Variants in GLG1 observed in about 807,000 individuals in gnomAD.
The protein encoded by GLG1 is Golgi apparatus protein 1.
A neutral mutation model predicts 160.5 loss-of-function variants in GLG1; 38 were observed. The observed-to-expected ratio is 0.24, with a 90% CI of 0.18 to 0.31. GLG1 has a LOEUF of 0.31. Ranked by LOEUF, GLG1 falls within the 10% of genes least tolerant of loss-of-function variation. The pLI is 1.00. For synonymous variants in GLG1, 644 were observed against 543.4 expected, an observed-to-expected ratio of 1.19 and a Z score of -2.57; for missense variants, 1,373 against 1,505.2, an observed-to-expected ratio of 0.91 and a Z score of 1.45.
chr16:74,575,071 A>C (rs1414698130), intron 1 of GLG1, among the ~76,000 whole-genome samples: 1 of 127,836 alleles, frequency 7.8e-6, no homozygotes, highest in Non-Finnish European at 1.6e-5. Flanking sequence ...AGATGGTGAA[A>C]TCTCACCTCT....
chr16:74,574,281 G>C (rs374560816), intron 1 of GLG1, among the ~76,000 whole-genome samples: 1 of 152,166 alleles, frequency 6.6e-6, no homozygotes, highest in African/African-American at 2.4e-5. Flanking sequence ...GAAAATCTCA[G>C]CTAAAGCTAA....
At chr16:74,548,771 G>A (rs1362964955) in intron 1 of GLG1, among the ~76,000 whole-genome samples, 3 of 152,084 alleles carry the variant, frequency 2.0e-5, no homozygotes, top group Admixed American at 6.6e-5. Flanking sequence ...TGAGACAAGC[G>A]GATCACATAA....
rs145239124 is a variant in GLG1 at position 74,558,950 on chromosome 16, C to G, written c.439-26797G>C. Reference sequence around the variant, plus strand: ...TCACCCAGGCTGGAATGCAGTCACACAGACATAGCTTACTGCATCCCAGAA... The same window carrying G: ...TCACCCAGGCTGGAATGCAGTCACAGAGACATAGCTTACTGCATCCCAGAA... On this transcript the variant is annotated intron_variant, in intron 1 of 25. Coordinates refer to ENST00000422840, the MANE Select transcript of GLG1 (RefSeq NM_001145667.2). 1.8e-3 allele frequency among the ~76,000 whole-genome samples: 275 copies of G among 152,324 alleles called. 1 individual carries two copies. Among genetic ancestry groups the G allele is most frequent in the African/African-American group, 6.4e-3 (267 of 41,566 alleles).
At chr16:74,585,170 G>A (rs920021141) in intron 1 of GLG1, among the ~76,000 whole-genome samples, 2 of 152,062 alleles carry the variant, frequency 1.3e-5, no homozygotes, top group African/African-American at 2.4e-5. Flanking sequence ...CACTGTGGAA[G>A]GCCAAGGCAG....
intron 3 of GLG1, among the ~76,000 whole-genome samples, chr16:74,506,339 G>A (rs2016601241): frequency 6.6e-6 from 1 of 151,540 alleles, no homozygotes; most frequent in Non-Finnish European, 1.5e-5. Context: ...GGCACTTTGG[G>A]AGGCCCAGGC....
intron 2 of GLG1, among the ~76,000 whole-genome samples, chr16:74,526,560 C>CA (rs1281967783): frequency 1.3e-5 from 2 of 150,136 alleles, no homozygotes; most frequent in African/African-American, 2.5e-5. Flanking sequence ...CCCATCTCTA[C>CA]AAAAAATACA....
intron 18 of GLG1, among the ~76,000 whole-genome samples, chr16:74,467,292 G>C (rs1597230369): frequency 6.6e-6 from 1 of 152,166 alleles, no homozygotes. Flanking sequence ...TCATTTGTTT[G>C]TATGTACTTC....
intron 19 of GLG1, among the ~76,000 whole-genome samples, chr16:74,464,414 T>A (rs1430482483): frequency 1.3e-5 from 2 of 152,212 alleles, no homozygotes; most frequent in African/African-American, 4.8e-5. Flanking sequence ...TCCTGTACAC[T>A]TACTGCTGTC....
chr16:74,537,729 C>T (rs1366448298), intron 1 of GLG1, among the ~76,000 whole-genome samples: 4 of 145,442 alleles, frequency 2.8e-5, no homozygotes, highest in East Asian at 2.0e-4. Context: ...AATGTACTTA[C>T]TGAATTTCAA....
At chr16:74,481,861 G>A (rs2015611935) in intron 10 of GLG1, among the ~76,000 whole-genome samples, 1 of 152,006 alleles carries the variant, frequency 6.6e-6, no homozygotes, top group Non-Finnish European at 1.5e-5. Flanking sequence ...ATCGGCTCAG[G>A]GCAACCTCCG....
At chr16:74,567,638 G>A (rs1326779188) in intron 1 of GLG1, among the ~76,000 whole-genome samples, 3 of 143,802 alleles carry the variant, frequency 2.1e-5, no homozygotes, top group South Asian at 2.2e-4. Context: ...GCGCAATCTC[G>A]GCTCACTGCA....
intron 4 of GLG1, among the ~76,000 whole-genome samples, chr16:74,501,604 G>C (rs535175170): frequency 6.6e-6 from 1 of 152,306 alleles, no homozygotes; most frequent in African/African-American, 2.4e-5. Context: ...TACCAGGCAA[G>C]AACTACTCCA....
At chr16:74,478,207 T>A (rs1458762639) in intron 11 of GLG1, among the ~76,000 whole-genome samples, 5 of 152,124 alleles carry the variant, frequency 3.3e-5, no homozygotes, top group Non-Finnish European at 7.4e-5. Context: ...AATGTGTCAG[T>A]CTATGAACAC....
At chr16:74,585,703 C>A (rs2143838353) in intron 1 of GLG1, among the ~76,000 whole-genome samples, 1 of 118,314 alleles carries the variant, frequency 8.5e-6, no homozygotes, top group East Asian at 2.6e-4. Context: ...GCCTGAGACT[C>A]CGTCTCAAAA....
intron 1 of GLG1, among the ~76,000 whole-genome samples, chr16:74,581,867 G>C (rs1479781220): frequency 6.6e-6 from 1 of 152,170 alleles, no homozygotes; most frequent in Non-Finnish European, 1.5e-5. Flanking sequence ...AGTCGAGATA[G>C]CGTTACTGCA....
intron 1 of GLG1, among the ~76,000 whole-genome samples, chr16:74,603,072 A>G (rs1185882821): frequency 6.6e-6 from 1 of 151,020 alleles, no homozygotes; most frequent in Non-Finnish European, 1.5e-5. Flanking sequence ...CCTGAGCAAC[A>G]GGGCAAGACT....
intron 1 of GLG1, among the ~76,000 whole-genome samples, chr16:74,587,361 G>A (rs1019927124): frequency 1.3e-5 from 2 of 152,164 alleles, no homozygotes; most frequent in African/African-American, 4.8e-5. Context: ...AAAGCAGCTA[G>A]AATTTGAAAG....
Position 74,467,763 on chromosome 16 carries a change from T to C in GLG1, c.2522A>G (p.Asn841Ser). Residue 841 changes from asparagine to serine, a missense_variant, in exon 18 of 26, where the codon AAC becomes AGC. Around this residue, in one of 4 missense-constraint regions of GLG1, gnomAD observed 491 missense variants for 632.1 expected, o/e 0.78. Coordinates refer to ENST00000422840, the MANE Select transcript of GLG1 (RefSeq NM_001145667.2). ...KNFCSAVQYG[N>S]AQIIECLKEN... ...AGAAAAGCAAAAAGTTACCTGAGCGTTGCCATATTGCACAGCGGAACAGAA... is the reference window on the plus strand; with the variant it reads ...AGAAAAGCAAAAAGTTACCTGAGCGCTGCCATATTGCACAGCGGAACAGAA... 1.2e-6 allele frequency: 2 copies of C among 1,602,150 alleles called. No homozygotes were observed. Among genetic ancestry groups the C allele is most frequent in the Non-Finnish European group, 1.7e-6 (2 of 1,169,646 alleles).
chr16:74,531,084 T>A lies in GLG1; in HGVS notation c.471+1037A>T, dbSNP rs770047468. On this transcript the variant is annotated intron_variant, in intron 2 of 25. Transcript: ENST00000422840. ...GATGCAGATATATATTTTTAAAACA[T>A]CATTTGGGGTTGTGTCATATTTAGA... Among the ~76,000 whole-genome samples, 51 of 152,220 alleles carry A rather than the reference T, an allele frequency of 3.4e-4. 1 individual carries two copies. Among genetic ancestry groups the A allele is most frequent in the Non-Finnish European group, 6.3e-4 (43 of 68,038 alleles).
Sources: allele counts gnomAD v4.1 joint callset (sites outside exome capture counted in the v4.1 genomes callset), GRCh38; gene constraint gnomAD v4.1.1; regional missense constraint gnomAD v4.1.1; transcripts MANE v1.5; gene names NCBI Gene and HGNC (gene_info 2026-07-23, HGNC 2026-07-21).